The following SLC35D4 variants were observed in gnomAD, a reference collection of about 807,000 sequenced individuals.
SLC35D4 encodes UDP-N-acetylglucosamine transporter SLC35D4.
At chr18:23,295,695 CT>C in the SLC35D4 span, among the ~76,000 whole-genome samples, 1 of 152,152 alleles carries the variant, frequency 6.6e-6, no homozygotes, top group Non-Finnish European at 1.5e-5. Context: ...TCTCTCTTTT[CT>C]CAACAAGTTG....
the SLC35D4 span, among the ~76,000 whole-genome samples, chr18:23,388,860 G>T: frequency 6.6e-6 from 1 of 152,204 alleles, no homozygotes; most frequent in East Asian, 1.9e-4. Flanking sequence ...AGAGGTGCTT[G>T]CTTCCCCTTC....
chr18:23,395,805 T>C, the SLC35D4 span, among the ~76,000 whole-genome samples: 1 of 152,226 alleles, frequency 6.6e-6, no homozygotes, highest in Non-Finnish European at 1.5e-5. Flanking sequence ...ATGATCACTG[T>C]GACCTTACTC....
chr18:23,419,294 C>CT, the SLC35D4 span, among the ~76,000 whole-genome samples: 62 of 151,312 alleles, frequency 4.1e-4, no homozygotes, highest in Non-Finnish European at 7.5e-4. Context: ...TCTTTTTTTT[C>CT]TTTTTTTTCT....
the SLC35D4 span, among the ~76,000 whole-genome samples, chr18:23,415,385 C>T: frequency 1.3e-5 from 2 of 152,266 alleles, no homozygotes; most frequent in Admixed American, 6.5e-5. Context: ...AAACTTTGCT[C>T]TCTTACTTAT....
At chr18:23,265,075 T>TA in the SLC35D4 span, among the ~76,000 whole-genome samples, 1 of 152,170 alleles carries the variant, frequency 6.6e-6, no homozygotes, top group East Asian at 1.9e-4. Context: ...CATTAGGAAT[T>TA]ACTTTTCAAC....
At chr18:23,307,644 G>A in the SLC35D4 span, among the ~76,000 whole-genome samples, 4 of 152,234 alleles carry the variant, frequency 2.6e-5, no homozygotes, top group Non-Finnish European at 5.9e-5. Flanking sequence ...AGCCCGGGGC[G>A]CTGGTCACAG....
chr18:23,366,117 A>G, the SLC35D4 span, among the ~76,000 whole-genome samples: 1 of 152,234 alleles, frequency 6.6e-6, no homozygotes, highest in Non-Finnish European at 1.5e-5. Context: ...CCAAGAGGCT[A>G]GCCCACAATT....
At chr18:23,308,713 TG>T in the SLC35D4 span, among the ~76,000 whole-genome samples, 1 of 152,190 alleles carries the variant, frequency 6.6e-6, no homozygotes. Flanking sequence ...TTCTGGTCTC[TG>T]CTCAGACAGC....
the SLC35D4 span, among the ~76,000 whole-genome samples, chr18:23,302,590 G>C: frequency 2.6e-5 from 4 of 152,198 alleles, no homozygotes; most frequent in Non-Finnish European, 5.9e-5. Flanking sequence ...CAAGGAGGAG[G>C]ATAATGACAT....
the SLC35D4 span, among the ~76,000 whole-genome samples, chr18:23,348,772 G>A: frequency 6.6e-6 from 1 of 152,056 alleles, no homozygotes; most frequent in Non-Finnish European, 1.5e-5. Context: ...ATATAGCTGG[G>A]TTTTGTTTTT....
At chr18:23,358,346 G>A in the SLC35D4 span, among the ~76,000 whole-genome samples, 171 of 152,236 alleles carry the variant, frequency 1.1e-3, 1 homozygote, top group African/African-American at 3.8e-3. Context: ...GGGTGAACGG[G>A]ACTCATGGCG....
At chr18:23,338,725 A>C in the SLC35D4 span, among the ~76,000 whole-genome samples, 1 of 152,158 alleles carries the variant, frequency 6.6e-6, no homozygotes, top group Non-Finnish European at 1.5e-5. Context: ...CTAATTTTGC[A>C]ATATGTCCCC....
chr18:23,272,390 A>C, the SLC35D4 span, among the ~76,000 whole-genome samples: 29 of 152,264 alleles, frequency 1.9e-4, no homozygotes, highest in African/African-American at 6.5e-4. Context: ...GGCTGCAGTG[A>C]GCTATGATCA....
chr18:23,257,193 A>G, the SLC35D4 span: 120 of 1,606,380 alleles, frequency 7.5e-5, 1 homozygote, highest in Admixed American at 1.0e-3. Flanking sequence ...TTAATTTCAA[A>G]ATGAACATGC....
the SLC35D4 span, among the ~76,000 whole-genome samples, chr18:23,336,082 CAAG>C: frequency 2.0e-5 from 3 of 148,032 alleles, no homozygotes; most frequent in African/African-American, 7.9e-5. Flanking sequence ...AAAAAAAAAA[CAAG>C]AACCTTACTC....
At chr18:23,353,076 AGTGTGTGT>A in the SLC35D4 span, among the ~76,000 whole-genome samples, 90 of 126,604 alleles carry the variant, frequency 7.1e-4, no homozygotes, top group African/African-American at 1.7e-3. Context: ...TGAGACAGAC[AGTGTGTGT>A]GTGTGTGTGT....
chr18:23,384,892 C>A, the SLC35D4 span: 1 of 1,024,408 alleles, frequency 9.8e-7, no homozygotes, highest in South Asian at 1.4e-5. Flanking sequence ...AGATTGGTGG[C>A]AGGAAGAGGC....
the SLC35D4 span, among the ~76,000 whole-genome samples, chr18:23,308,842 C>T: frequency 3.4e-5 from 5 of 146,066 alleles, no homozygotes; most frequent in Non-Finnish European, 6.0e-5. Context: ...AAACACAGCA[C>T]GTGTTTTCTC....
the SLC35D4 span, among the ~76,000 whole-genome samples, chr18:23,362,925 C>A: frequency 6.6e-6 from 1 of 152,110 alleles, no homozygotes. Context: ...AGCTGAAGGG[C>A]AGCATGATTT....
Sources: allele counts gnomAD v4.1 joint callset (sites outside exome capture counted in the v4.1 genomes callset), GRCh38; gene constraint gnomAD v4.1.1; transcripts MANE v1.5; gene names NCBI Gene and HGNC (gene_info 2026-07-23, HGNC 2026-07-21).